The following LMBR1 variants were observed in gnomAD, a reference collection of about 807,000 sequenced individuals.
The protein encoded by LMBR1 is limb development membrane protein 1.
LMBR1 carries 52 observed loss-of-function variants against 73.9 expected under a neutral mutation model. The ratio of observed to expected loss-of-function variants is 0.70; its 90% CI spans 0.56 to 0.89. The LOEUF is 0.89. Ranked by LOEUF, LMBR1 falls within the 40% of genes least tolerant of loss-of-function variation. The probability of loss-of-function intolerance (pLI) is 0.00; values close to 1 mark genes in which losing one functional copy is unlikely to be tolerated. For synonymous variants in LMBR1, 215 were observed against 209.4 expected, an observed-to-expected ratio of 1.03 and a Z score of -0.23; for missense variants, 539 against 579.8, an observed-to-expected ratio of 0.93 and a Z score of 0.72.
intron 15 of LMBR1, among the ~76,000 whole-genome samples, chr7:156,698,471 C>G (rs1026560117): frequency 2.0e-5 from 3 of 152,364 alleles, no homozygotes; most frequent in African/African-American, 7.2e-5. Flanking sequence ...AAACTTCTGC[C>G]TGGGAACCCA....
At chr7:156,808,520 T>G (rs1832542376) in intron 4 of LMBR1, among the ~76,000 whole-genome samples, 1 of 152,190 alleles carries the variant, frequency 6.6e-6, no homozygotes, top group African/African-American at 2.4e-5. Context: ...TGCTTTTATA[T>G]TCAATTTGAT....
intron 1 of LMBR1, among the ~76,000 whole-genome samples, chr7:156,878,758 G>C (rs763013481): frequency 9.9e-5 from 15 of 152,206 alleles, no homozygotes; most frequent in African/African-American, 2.9e-4. Flanking sequence ...ACAAGTCTAA[G>C]CAAAAAGAAC....
At chr7:156,709,947 C>T (rs1364470890) in intron 15 of LMBR1, among the ~76,000 whole-genome samples, 1 of 141,888 alleles carries the variant, frequency 7.0e-6, no homozygotes, top group Non-Finnish European at 1.5e-5. Flanking sequence ...CTCTGTCACC[C>T]AGGCTGGAGT....
intron 15 of LMBR1, among the ~76,000 whole-genome samples, chr7:156,696,574 T>C (rs1007487807): frequency 5.9e-5 from 9 of 152,176 alleles, no homozygotes; most frequent in Non-Finnish European, 1.3e-4. Flanking sequence ...ACTTCTCACA[T>C]AGCGGCAGCA....
At chr7:156,700,687 G>C (rs1809483984) in intron 15 of LMBR1, among the ~76,000 whole-genome samples, 1 of 152,264 alleles carries the variant, frequency 6.6e-6, no homozygotes, top group African/African-American at 2.4e-5. Context: ...TCTCTAGGAA[G>C]TTCCAAACTT....
intron 1 of LMBR1, among the ~76,000 whole-genome samples, chr7:156,853,445 C>T (rs1339818403): frequency 6.6e-6 from 1 of 152,058 alleles, no homozygotes; most frequent in Admixed American, 6.5e-5. Context: ...ATCTCACACC[C>T]TGTGCTTTAG....
chr7:156,827,859 C>T (rs1835961502), intron 3 of LMBR1, among the ~76,000 whole-genome samples: 1 of 152,126 alleles, frequency 6.6e-6, no homozygotes, highest in African/African-American at 2.4e-5. Context: ...TTTAGTAAAT[C>T]AATTATAAAT....
At chr7:156,759,118 T>C (rs1003610142) in intron 8 of LMBR1, among the ~76,000 whole-genome samples, 2 of 152,224 alleles carry the variant, frequency 1.3e-5, no homozygotes, top group Non-Finnish European at 2.9e-5. Context: ...TTTGTTAAAG[T>C]CATAACCGTG....
chr7:156,809,887 G>A (rs1832791223), intron 4 of LMBR1, among the ~76,000 whole-genome samples: 1 of 152,100 alleles, frequency 6.6e-6, no homozygotes, highest in African/African-American at 2.4e-5. Flanking sequence ...ACATAGAACT[G>A]GTTAAGCTTC....
At chr7:156,837,785 GC>G (rs796237583) in intron 1 of LMBR1, among the ~76,000 whole-genome samples, 31 of 130,062 alleles carry the variant, frequency 2.4e-4, no homozygotes, top group African/African-American at 8.3e-4. Flanking sequence ...TTTTAATTTT[GC>G]TTTTTTTTTT....
chr7:156,773,783 G>C (rs550406975), intron 5 of LMBR1, among the ~76,000 whole-genome samples: 87 of 152,154 alleles, frequency 5.7e-4, no homozygotes, highest in Non-Finnish European at 1.1e-3. Context: ...ATTCTAAACA[G>C]AGGCCCTGGC....
Position 156,836,837 on chromosome 7 carries a change from T to C in LMBR1, c.115A>G (p.Ile39Val), listed in dbSNP as rs1392705978. ...AILYVVSYFI[I>V]TRYKRKSDEQ... ...CCTGATTTTCTCTTGTATCTTGTGA[T>C]GATGAAGTAGGAAACAACGTAGAGA... Residue 39 changes from isoleucine (I) to valine (V), a missense_variant, in exon 2 of 17, where the codon ATC (isoleucine) becomes GTC (valine). By Grantham distance (29) the Ile-to-Val change is conservative. Around this residue, in one of 3 missense-constraint regions of LMBR1, gnomAD observed 454 missense variants for 473.4 expected, o/e 0.96. Transcript: ENST00000353442. 2.5e-6 allele frequency: 4 copies of C among 1,580,500 alleles called. No homozygotes were observed. The highest frequency in any genetic ancestry group is 1.2e-5 in the South Asian group (1 of 86,756).
intron 1 of LMBR1, among the ~76,000 whole-genome samples, chr7:156,843,517 A>C (rs1839071266): frequency 6.6e-6 from 1 of 152,210 alleles, no homozygotes. Flanking sequence ...ATTTTTTAAA[A>C]ATTATGTTTA....
At chr7:156,785,287 AAAAC>A (rs1326747731) in intron 5 of LMBR1, among the ~76,000 whole-genome samples, 5 of 152,136 alleles carry the variant, frequency 3.3e-5, no homozygotes, top group Non-Finnish European at 2.9e-5. Flanking sequence ...AAAAAACACA[AAAAC>A]AAACAAACAA....
At chr7:156,763,828 T>C (rs1823587262) in intron 5 of LMBR1, 33 bp from the exon 6 acceptor site, 2 of 1,542,862 alleles carry the variant, frequency 1.3e-6, no homozygotes, top group South Asian at 1.2e-5. Context: ...AATTTTAGTA[T>C]TTTACTTCAT....
At chr7:156,809,075 T>A (rs1171298773) in intron 4 of LMBR1, among the ~76,000 whole-genome samples, 1 of 152,228 alleles carries the variant, frequency 6.6e-6, no homozygotes, top group Non-Finnish European at 1.5e-5. Flanking sequence ...TCTCTACATA[T>A]AAACTGCTGC....
At chr7:156,708,036 A>T (rs190549178) in intron 15 of LMBR1, among the ~76,000 whole-genome samples, 2,400 of 136,938 alleles carry the variant, frequency 0.018, 36 homozygotes, top group South Asian at 0.088. Context: ...TTTCTATATA[A>T]AAAAAAAAAA....
At chr7:156,845,788 A>G (rs1290654053) in intron 1 of LMBR1, among the ~76,000 whole-genome samples, 1 of 152,128 alleles carries the variant, frequency 6.6e-6, no homozygotes, top group Non-Finnish European at 1.5e-5. Context: ...AGCTGAGATT[A>G]CAGGTGTGAA....
At chr7:156,839,917 G>A (rs11760827) in intron 1 of LMBR1, among the ~76,000 whole-genome samples, 6,012 of 152,232 alleles carry the variant, frequency 0.039, 174 homozygotes, top group Non-Finnish European at 0.049. Flanking sequence ...ACCAGCTCTT[G>A]GAGAAGAAAT....
Sources: gnomAD v4.1 joint callset for allele counts (sites outside exome capture counted in the v4.1 genomes callset) on GRCh38, gnomAD v4.1.1 for gene constraint, gnomAD v4.1.1 regional missense constraint, MANE v1.5 for transcripts, NCBI Gene and HGNC (gene_info 2026-07-23, HGNC 2026-07-21) for gene names.